GIGYF2: variants seen among roughly 807,000 people sequenced by gnomAD.
The protein encoded by GIGYF2 is GRB10-interacting GYF protein 2.
Under a neutral mutation model 208.1 loss-of-function variants are expected in GIGYF2, and 25 were observed. That is an observed-to-expected ratio of 0.12 (90% CI 0.09 to 0.17). GIGYF2 has a LOEUF of 0.17. Ranked by LOEUF, GIGYF2 falls within the 10% of genes least tolerant of loss-of-function variation. GIGYF2 has a pLI of 1.00. For missense variants in GIGYF2, 1,302 were observed against 1,579.4 expected (o/e 0.82, Z 2.98); for synonymous variants, 534 against 543.8 (o/e 0.98, Z 0.25).
At chr2:232,845,327 TC>T (rs1701963064) in intron 25 of GIGYF2, among the ~76,000 whole-genome samples, 1 of 152,228 alleles carries the variant, frequency 6.6e-6, no homozygotes, top group African/African-American at 2.4e-5. Flanking sequence ...ACAATAAATT[TC>T]TGTTAGTTTA....
At chr2:232,730,615 A>AAAAC in intron 2 of GIGYF2, among the ~76,000 whole-genome samples, 1 of 116,008 alleles carries the variant, frequency 8.6e-6, no homozygotes, top group Admixed American at 9.3e-5. Flanking sequence ...AAAAAAAAAA[A>AAAAC]AGGCCGGGCG....
chr2:232,727,712 T>C (rs553551034), intron 2 of GIGYF2, among the ~76,000 whole-genome samples: 2 of 152,330 alleles, frequency 1.3e-5, no homozygotes, highest in Admixed American at 6.5e-5. Flanking sequence ...GCTGAGGCTT[T>C]GTTCCTGTTC....
intron 22 of GIGYF2, among the ~76,000 whole-genome samples, chr2:232,836,256 A>ATCTCTCTCTCTCTCTCTCTC (rs1559160076): frequency 9.7e-6 from 1 of 102,716 alleles, no homozygotes; most frequent in African/African-American, 4.2e-5. Flanking sequence ...GTGAAACCCC[A>ATCTCTCTCTCTCTCTCTCTC]TCTCTACATA....
At chr2:232,843,558 G>A (rs1319007545) in intron 23 of GIGYF2, among the ~76,000 whole-genome samples, 5 of 118,966 alleles carry the variant, frequency 4.2e-5, no homozygotes, top group South Asian at 2.5e-4. Context: ...GCGAGACCCT[G>A]TCTCAAAAAA....
chr2:232,717,607 G>C (rs1302507132), intron 2 of GIGYF2, among the ~76,000 whole-genome samples: 2 of 152,156 alleles, frequency 1.3e-5, no homozygotes, highest in Non-Finnish European at 2.9e-5. Context: ...GATTTATAAA[G>C]AAAAGAGGTT....
intron 8 of GIGYF2, among the ~76,000 whole-genome samples, chr2:232,784,558 T>C (rs1262558685): frequency 6.7e-6 from 1 of 149,620 alleles, no homozygotes; most frequent in East Asian, 2.0e-4. Flanking sequence ...GCCCGGCTAA[T>C]TTTTTCTATT....
At chr2:232,779,068 C>T (rs1699624063) in intron 8 of GIGYF2, among the ~76,000 whole-genome samples, 1 of 152,088 alleles carries the variant, frequency 6.6e-6, no homozygotes, top group Admixed American at 6.6e-5. Context: ...GGTGGTGTTT[C>T]CTGGGGCTCC....
intron 5 of GIGYF2, among the ~76,000 whole-genome samples, chr2:232,755,024 T>G (rs1220456285): frequency 1.3e-5 from 2 of 151,990 alleles, no homozygotes; most frequent in East Asian, 3.8e-4. Context: ...AAAGTAGAAG[T>G]TTTTTAACGA....
At chr2:232,747,349 T>C (rs1487595601) in intron 3 of GIGYF2, among the ~76,000 whole-genome samples, 1 of 152,184 alleles carries the variant, frequency 6.6e-6, no homozygotes, top group East Asian at 1.9e-4. Flanking sequence ...TGTCCCTTTT[T>C]CATTCTCTAA....
chr2:232,833,244 C>T (rs1254180385), intron 22 of GIGYF2, 151 bp downstream of exon 22: 4 of 324,438 alleles, frequency 1.2e-5, no homozygotes, highest in Middle Eastern at 9.1e-4. Context: ...GAGACTGGGT[C>T]TCACTCCCAT....
At chr2:232,783,493 TG>T (rs1271890727) in intron 8 of GIGYF2, among the ~76,000 whole-genome samples, 1 of 152,146 alleles carries the variant, frequency 6.6e-6, no homozygotes, top group Non-Finnish European at 1.5e-5. Flanking sequence ...TTGGAGGTGT[TG>T]TGGAGAATGA....
rs574099490 is a variant in GIGYF2 at position 232,727,222 on chromosome 2, C to T, written c.-43-7933C>T. Among the ~76,000 whole-genome samples, 9 of 152,312 alleles carry T rather than the reference C, an allele frequency of 5.9e-5. No individual in the cohort carries two copies. The South Asian group carries it at 1.7e-3, about 28-fold the overall frequency. Reference sequence around the variant, plus strand: ...CTCAACTTGATTCACCTTCCTTGGCCTCCCAAAGTTCTGGGATTACAACAT... The same window carrying T: ...CTCAACTTGATTCACCTTCCTTGGCTTCCCAAAGTTCTGGGATTACAACAT... On this transcript the variant is annotated intron_variant, in intron 2 of 28. Transcript: ENST00000373563.
At chr2:232,856,710 A>G in intron 28 of GIGYF2, 83 bp from the exon 29 acceptor site, 1 of 868,234 alleles carries the variant, frequency 1.2e-6, no homozygotes, top group Non-Finnish European at 2.0e-6. Context: ...ACAAACACAG[A>G]CTTACATTCC....
At chr2:232,770,542 GTATT>G (rs1699194376) in intron 8 of GIGYF2, among the ~76,000 whole-genome samples, 6 of 152,010 alleles carry the variant, frequency 3.9e-5, no homozygotes, top group African/African-American at 1.2e-4. Flanking sequence ...GGTATTGAAT[GTATT>G]TATTTATGTA....
At chr2:232,777,613 T>TCCC (rs3214757) in intron 8 of GIGYF2, among the ~76,000 whole-genome samples, 50 of 131,668 alleles carry the variant, frequency 3.8e-4, no homozygotes, top group African/African-American at 7.2e-4. Flanking sequence ...ATCCTCTCCG[T>TCCC]CCCCCCCCCG....
At chr2:232,854,221 G>A (rs935655586) in intron 28 of GIGYF2, among the ~76,000 whole-genome samples, 1 of 152,188 alleles carries the variant, frequency 6.6e-6, no homozygotes, top group African/African-American at 2.4e-5. Flanking sequence ...GGTCAGGCAC[G>A]GTGACTCATG....
intron 20 of GIGYF2, among the ~76,000 whole-genome samples, chr2:232,817,564 A>C (rs1342823561): frequency 6.6e-6 from 1 of 152,218 alleles, no homozygotes. Context: ...CATAGCTCCT[A>C]GTAACCACCA....
At chr2:232,794,627 C>G (rs562321631) in intron 12 of GIGYF2, 121 bp from the exon 13 acceptor site, 66 of 791,884 alleles carry the variant, frequency 8.3e-5, no homozygotes, top group Middle Eastern at 7.7e-4. Flanking sequence ...CTTCACTGTT[C>G]ATGACAGGGC....
chr2:232,811,349 G>A lies in GIGYF2; in HGVS notation c.2004G>A (p.Met668Ile). 1 of 1,541,310 alleles carries A rather than the reference G, an allele frequency of 6.5e-7. No homozygotes were observed. Among genetic ancestry groups the A allele is most frequent in the South Asian group, 1.1e-5 (1 of 89,688 alleles). ...LLLQQFQTLK[M>I]RISDQNIIPS... ...TTCAACAGTTTCAGACCTTGAAGAT[G>A]AGGTTGGTGGTCATTCCATTATGTG... Residue 668 changes from methionine to isoleucine, a missense_variant and splice_region_variant, in exon 17 of 29, where the codon ATG becomes ATA. By Grantham distance (10) the Met-to-Ile change is conservative. Transcript: ENST00000373563.
Sources: gnomAD v4.1 joint callset for allele counts (sites outside exome capture counted in the v4.1 genomes callset) on GRCh38, gnomAD v4.1.1 for gene constraint, MANE v1.5 for transcripts, NCBI Gene and HGNC (gene_info 2026-07-23, HGNC 2026-07-21) for gene names.